Variants in NKAIN2 observed in about 807,000 individuals in gnomAD.
NKAIN2 encodes sodium/potassium transporting ATPase interacting 2, also known as sodium/potassium-transporting ATPase subunit beta-1-interacting protein 2.
A neutral mutation model predicts 32.6 loss-of-function variants in NKAIN2; 14 were observed. The observed-to-expected ratio is 0.43, with a 90% CI of 0.28 to 0.67. NKAIN2 has a LOEUF of 0.67. Ranked by LOEUF, NKAIN2 falls within the 30% of genes least tolerant of loss-of-function variation. NKAIN2 has a pLI of 0.17. For missense variants in NKAIN2, 198 were observed against 258.3 expected (o/e 0.77, Z 1.60); for synonymous variants, 80 against 87.2 (o/e 0.92, Z 0.46).
intron 4 of NKAIN2, among the ~76,000 whole-genome samples, chr6:124,700,389 A>C (rs1774716088): frequency 6.6e-6 from 1 of 152,184 alleles, no homozygotes; most frequent in African/African-American, 2.4e-5. Flanking sequence ...GTGTTGAGTT[A>C]CATCAGCAAC....
At chr6:123,860,698 C>T (rs568733479) in intron 1 of NKAIN2, among the ~76,000 whole-genome samples, 2 of 152,288 alleles carry the variant, frequency 1.3e-5, no homozygotes, top group East Asian at 3.9e-4. Context: ...GTGTGAGCCA[C>T]CATGCGTGGC....
chr6:124,786,111 C>T (rs2114796311), intron 4 of NKAIN2, among the ~76,000 whole-genome samples: 1 of 152,140 alleles, frequency 6.6e-6, no homozygotes, highest in African/African-American at 2.4e-5. Flanking sequence ...CTAGAGACAG[C>T]AAGGGTTTAC....
chr6:124,501,297 A>G (rs1035669732), intron 3 of NKAIN2, among the ~76,000 whole-genome samples: 34 of 152,212 alleles, frequency 2.2e-4, no homozygotes, highest in Admixed American at 2.2e-3. Flanking sequence ...TTTTCATTCA[A>G]TAAATGAGGA....
At chr6:124,622,109 G>C (rs1179451961) in intron 3 of NKAIN2, among the ~76,000 whole-genome samples, 4 of 152,174 alleles carry the variant, frequency 2.6e-5, no homozygotes, top group African/African-American at 9.7e-5. Context: ...ATGTGCAGAG[G>C]CATGATCCCT....
chr6:123,833,959 C>T (rs540411622), intron 1 of NKAIN2, among the ~76,000 whole-genome samples: 1 of 151,906 alleles, frequency 6.6e-6, no homozygotes, highest in African/African-American at 2.4e-5. Context: ...AACACCCGAC[C>T]TCTTGATCCA....
At chr6:124,571,959 C>T (rs922947989) in intron 3 of NKAIN2, among the ~76,000 whole-genome samples, 2 of 152,208 alleles carry the variant, frequency 1.3e-5, no homozygotes, top group Non-Finnish European at 2.9e-5. Context: ...CTCCCACTCA[C>T]TCTGCCCTTC....
chr6:124,034,156 G>A (rs1380242382), intron 1 of NKAIN2, among the ~76,000 whole-genome samples: 2 of 151,878 alleles, frequency 1.3e-5, no homozygotes, highest in Admixed American at 6.6e-5. Flanking sequence ...AGATTTAGGG[G>A]GTACATGCGC....
intron 1 of NKAIN2, among the ~76,000 whole-genome samples, chr6:123,971,719 C>A (rs1231974882): frequency 6.6e-6 from 1 of 152,172 alleles, no homozygotes; most frequent in Non-Finnish European, 1.5e-5. Context: ...TATCAGCTGT[C>A]TTCTGCTCTT....
At chr6:124,687,769 CACACACACACACAT>C (rs1231866430) in intron 4 of NKAIN2, among the ~76,000 whole-genome samples, 4 of 144,178 alleles carry the variant, frequency 2.8e-5, no homozygotes, top group Non-Finnish European at 3.0e-5. Flanking sequence ...CACACACACA[CACACACACACACAT>C]ACTGTTCTAT....
chr6:124,653,538 C>T (rs1784439938), intron 3 of NKAIN2, among the ~76,000 whole-genome samples: 1 of 145,236 alleles, frequency 6.9e-6, no homozygotes, highest in Non-Finnish European at 1.5e-5. Flanking sequence ...ATGTAAAATG[C>T]AAAACTGTAA....
intron 2 of NKAIN2, among the ~76,000 whole-genome samples, chr6:124,318,712 T>A (rs1039990436): frequency 1.3e-5 from 2 of 151,892 alleles, no homozygotes; most frequent in Non-Finnish European, 2.9e-5. Context: ...ATGCTGACAC[T>A]AAGATGACAG....
intron 1 of NKAIN2, among the ~76,000 whole-genome samples, chr6:124,194,619 GA>G (rs1403355438): frequency 2.0e-5 from 3 of 151,604 alleles, no homozygotes. Context: ...GTTATTTTAT[GA>G]TTTTTTTATA....
intron 1 of NKAIN2, among the ~76,000 whole-genome samples, chr6:123,933,465 AT>A (rs980392593): frequency 4.6e-5 from 7 of 152,310 alleles, no homozygotes; most frequent in Admixed American, 2.6e-4. Context: ...ATCTCAACTG[AT>A]TTAACTTTTT....
intron 1 of NKAIN2, among the ~76,000 whole-genome samples, chr6:123,827,951 CT>C (rs1412512380): frequency 6.6e-6 from 1 of 151,838 alleles, no homozygotes; most frequent in African/African-American, 2.4e-5. Context: ...ACTTAAAAGA[CT>C]TTTGTAGAAT....
At chr6:124,290,029 C>T in intron 2 of NKAIN2, among the ~76,000 whole-genome samples, 1 of 149,498 alleles carries the variant, frequency 6.7e-6, no homozygotes, top group East Asian at 2.0e-4. Context: ...AGTCTTTTCC[C>T]ATAAGCCTGG....
At chr6:124,156,302 G>A (rs1787984336) in intron 1 of NKAIN2, among the ~76,000 whole-genome samples, 1 of 152,040 alleles carries the variant, frequency 6.6e-6, no homozygotes, top group Non-Finnish European at 1.5e-5. Context: ...CTTTAAAATT[G>A]GTTTCGATGA....
chr6:124,142,492 T>C (rs899478803), intron 1 of NKAIN2, among the ~76,000 whole-genome samples: 1 of 152,234 alleles, frequency 6.6e-6, no homozygotes, highest in Admixed American at 6.5e-5. Context: ...AGTGTGATTA[T>C]TGTTTTCACT....
At chr6:124,286,100 G>A (rs2114930492) in intron 2 of NKAIN2, among the ~76,000 whole-genome samples, 1 of 152,128 alleles carries the variant, frequency 6.6e-6, no homozygotes, top group African/African-American at 2.4e-5. Flanking sequence ...CTTCATGACT[G>A]AAGATTAACA....
At chr6:124,346,416 C>A (rs550621868) in intron 2 of NKAIN2, among the ~76,000 whole-genome samples, 1 of 152,110 alleles carries the variant, frequency 6.6e-6, no homozygotes, top group Non-Finnish European at 1.5e-5. Context: ...ATTGATCTGT[C>A]TAATGTTGAC....
Sources: gnomAD v4.1 joint callset for allele counts (sites outside exome capture counted in the v4.1 genomes callset) on GRCh38, gnomAD v4.1.1 for gene constraint, MANE v1.5 for transcripts, NCBI Gene and HGNC (gene_info 2026-07-23, HGNC 2026-07-21) for gene names.